Variants in WHAMM observed in about 807,000 individuals in gnomAD.
WHAMM encodes WASP homolog associated with actin, golgi membranes and microtubules, also known as WASP homolog-associated protein with actin, membranes and microtubules.
A neutral mutation model predicts 76.5 loss-of-function variants in WHAMM; 67 were observed. The ratio of observed to expected loss-of-function variants is 0.88; its 90% CI spans 0.72 to 1.07. WHAMM has a LOEUF of 1.07. Among genes scored for constraint, WHAMM ranks in the 50% least tolerant of loss-of-function variants. WHAMM has a pLI of 0.00. For synonymous variants in WHAMM, 419 were observed against 422.1 expected, an observed-to-expected ratio of 0.99 and a Z score of 0.09; for missense variants, 1,021 against 1,051.1, an observed-to-expected ratio of 0.97 and a Z score of 0.40.
At chr15:82,825,883 AC>A (rs1175940794) in intron 6 of WHAMM, among the ~76,000 whole-genome samples, 2 of 152,156 alleles carry the variant, frequency 1.3e-5, no homozygotes, top group Non-Finnish European at 2.9e-5. Flanking sequence ...TGAGGCTGAA[AC>A]CTACTCAATA....
rs867254765 is a variant in WHAMM at position 82,833,785 on chromosome 15, G to C, written c.*249G>C. The C allele has an allele frequency of 5.0e-5, 24 of 477,176 alleles. No individual in the cohort carries two copies. The Admixed American group carries it at 6.0e-4, about 12-fold the overall frequency. 29.6% of individuals were successfully genotyped at this position (477,176 alleles called of 1,614,324 possible). On this transcript the variant is annotated 3_prime_UTR_variant, in exon 10 of 10. Transcript: ENST00000286760. ...GCTCACCGCAAGCTCCGCTTCCCAG[G>C]CTGGGGTGCAGTGGTGCGATCTTGG... is the stretch of plus-strand genomic sequence containing the variant.
rs17400964 is a variant in WHAMM at position 82,817,947 on chromosome 15, C to A, written c.962C>A (p.Ala321Glu). 1 of 1,543,934 alleles carries A rather than the reference C, an allele frequency of 6.5e-7. No individual in the cohort carries two copies. The highest frequency in any genetic ancestry group is 1.4e-5 in the African/African-American group (1 of 72,778). Reference protein sequence around the residue: ...AGMQKEMEQDAKRFGQAAWAT... With the variant: ...AGMQKEMEQDEKRFGQAAWAT... ...ATGCAGAAAGAAATGGAACAGGATG[C>A]GAAGAGATTTGGTCAGGCTGCCTGG... Residue 321 changes from alanine to glutamate, a missense_variant, in exon 4 of 10, where the codon GCG becomes GAG. This residue lies in a region of WHAMM where 501 missense variants were observed against 524.9 expected (regional missense o/e 0.95). Coordinates refer to ENST00000286760, the MANE Select transcript of WHAMM (RefSeq NM_001080435.3).
chr15:82,824,175 T>TTTTTTTTTTTTTTTTTTTAAA (rs2050889710), intron 6 of WHAMM, among the ~76,000 whole-genome samples: 1 of 148,138 alleles, frequency 6.8e-6, no homozygotes, highest in African/African-American at 2.5e-5. Context: ...TTTTTTTTTT[T>TTTTTTTTTTTTTTTTTTTAAA]GAAACAGAGT....
chr15:82,816,933 C>G (rs2050737036), intron 3 of WHAMM, 91 bp downstream of exon 3: 1 of 1,273,072 alleles, frequency 7.9e-7, no homozygotes, highest in East Asian at 2.6e-5. Flanking sequence ...GCACTAGGTA[C>G]TATGTTTTCT....
chr15:82,823,373 T>C (rs1322006617), intron 6 of WHAMM, 86 bp downstream of exon 6: 1 of 1,178,332 alleles, frequency 8.5e-7, no homozygotes, highest in Non-Finnish European at 1.1e-6. Context: ...AAATAAGGTT[T>C]TTACCAACAC....
rs2051075987 is a variant in WHAMM at position 82,833,600 on chromosome 15, A to G, written c.*64A>G. The stretch of plus-strand genomic sequence containing the variant: ...AATAAAGTGGGTGAGTCTTAGACCT[A>G]TCGAAAAGCATACTAACAGGGTGCT... On this transcript the variant is annotated 3_prime_UTR_variant, in exon 10 of 10. Coordinates refer to ENST00000286760, the MANE Select transcript of WHAMM (RefSeq NM_001080435.3). 2.6e-6 allele frequency: 4 copies of G among 1,527,902 alleles called. No individual in the cohort carries two copies. The highest frequency in any genetic ancestry group is 1.2e-5 in the South Asian group (1 of 81,528). 94.6% of individuals were successfully genotyped at this position (1,527,902 alleles called of 1,614,324 possible).
intron 4 of WHAMM, among the ~76,000 whole-genome samples, chr15:82,818,438 C>T (rs919125616): frequency 2.6e-5 from 4 of 152,136 alleles, no homozygotes; most frequent in African/African-American, 4.8e-5. Flanking sequence ...TTCTTTTCTT[C>T]GCTTATTCCA....
At chr15:82,820,663 G>C (rs1231544896) in intron 5 of WHAMM, among the ~76,000 whole-genome samples, 2 of 152,144 alleles carry the variant, frequency 1.3e-5, no homozygotes, top group Non-Finnish European at 1.5e-5. Context: ...GGGAGGCTGA[G>C]TGGGGCAGAT....
chr15:82,821,876 A>C (rs1387352868), intron 5 of WHAMM, among the ~76,000 whole-genome samples: 1 of 152,180 alleles, frequency 6.6e-6, no homozygotes, highest in Admixed American at 6.5e-5. Context: ...CTTTTTTCCT[A>C]AAGTTCCTCC....
chr15:82,809,815 T>C lies in WHAMM; in HGVS notation c.89T>C (p.Phe30Ser). Residue 30 changes from phenylalanine (F) to serine (S), a missense_variant, in exon 1 of 10, where the codon TTC becomes TCC. By Grantham distance (155) the Phe-to-Ser change is radical (BLOSUM62 -2). Coordinates refer to ENST00000286760, the MANE Select transcript of WHAMM (RefSeq NM_001080435.3). ...FAEPERHRLR[F>S]LVAWNGAEGK... Reference sequence around the variant, plus strand: ...GAGCCCGAGAGGCACCGGCTGCGCTTCCTGGTGGCCTGGAACGGCGCGGAG... The same window carrying C: ...GAGCCCGAGAGGCACCGGCTGCGCTCCCTGGTGGCCTGGAACGGCGCGGAG... 6.2e-7 allele frequency: 1 copy of C among 1,603,414 alleles called. No homozygotes were observed. Among genetic ancestry groups the C allele is most frequent in the Non-Finnish European group, 8.5e-7 (1 of 1,175,762 alleles).
intron 6 of WHAMM, among the ~76,000 whole-genome samples, chr15:82,824,511 G>C (rs1257686963): frequency 6.6e-6 from 1 of 152,178 alleles, no homozygotes; most frequent in Non-Finnish European, 1.5e-5. Context: ...AGTAGAGACG[G>C]GGTTTCACCA....
chr15:82,811,694 G>T (rs1425178159), intron 1 of WHAMM, among the ~76,000 whole-genome samples: 1 of 152,130 alleles, frequency 6.6e-6, no homozygotes, highest in Non-Finnish European at 1.5e-5. Flanking sequence ...TCTAGAATTA[G>T]ACCAATTGCT....
intron 8 of WHAMM, among the ~76,000 whole-genome samples, chr15:82,828,022 C>T (rs1184786101): frequency 6.6e-6 from 1 of 152,130 alleles, no homozygotes; most frequent in African/African-American, 2.4e-5. Context: ...GACCTGCTTT[C>T]ATTCCCCAGC....
rs887396010 is a variant in WHAMM, at chr15:82,826,451, T to G, written c.1500T>G (p.Ala500=). ...KENHRFRLQQ[A]EESIRYSRQH... is the part of the protein sequence containing the mutation. ...ATCATCGGTTCAGATTGCAACAGGCTGAAGAAAGCATAAGATACTCTCGTC... is the reference window on the plus strand; with the variant it reads ...ATCATCGGTTCAGATTGCAACAGGCGGAAGAAAGCATAAGATACTCTCGTC... The change falls in exon 7 of 10, where the codon GCT becomes GCG. Residue 500 remains alanine, a synonymous_variant. Transcript: ENST00000286760. The G allele has an allele frequency of 6.2e-7, 1 of 1,614,050 alleles. No individual in the cohort carries two copies. The highest frequency in any genetic ancestry group is 1.1e-5 in the South Asian group (1 of 91,088).
chr15:82,825,574 G>C (rs536842354), intron 6 of WHAMM, among the ~76,000 whole-genome samples: 6 of 152,264 alleles, frequency 3.9e-5, no homozygotes, highest in Admixed American at 3.9e-4. Flanking sequence ...CACTTAGGTA[G>C]CCATGTGACC....
rs1448406792 is a variant in WHAMM at position 82,835,018 on chromosome 15, A to G, written c.*1482A>G. The stretch of plus-strand genomic sequence containing the variant: ...TGCGAGCATCCCTACTAACCTCATC[A>G]CCCTCACTCTGGTGATATTACTCCT... On this transcript the variant is annotated 3_prime_UTR_variant, in exon 10 of 10. Coordinates refer to ENST00000286760, the MANE Select transcript of WHAMM (RefSeq NM_001080435.3). The G allele has an allele frequency of 3.3e-5, 5 of 152,068 alleles. No individual in the cohort carries two copies. Among genetic ancestry groups the G allele is most frequent in the African/African-American group, 1.2e-4 (5 of 41,394 alleles). The allele number at this position is 152,068 out of a possible 1,614,324, so 9.4% of individuals were successfully genotyped here. A position where few individuals can be genotyped will look rare whatever the true frequency, so the allele number is the denominator to read the frequency against.
intron 9 of WHAMM, among the ~76,000 whole-genome samples, chr15:82,831,521 G>T (rs1467767786): frequency 6.6e-6 from 1 of 152,162 alleles, no homozygotes. Flanking sequence ...AATTACTGTA[G>T]AGGCATACTA....
At position 82,830,704 on chromosome 15, in the gene WHAMM, G is replaced by T; in HGVS notation, c.1747G>T (p.Val583Leu). ...GATGTGCTTGCCAGCTTCCCACGCG[G>T]TGTCAGTAATTCACCCGTCCTCTAG... ...QQMCLPASHA[V>L]SVIHPSSRKT... Residue 583 changes from valine to leucine, a missense_variant, in exon 9 of 10, where the codon GTG becomes TTG. By Grantham distance (32) the Val-to-Leu change is conservative. Transcript: ENST00000286760. The T allele has an allele frequency of 6.2e-7, 1 of 1,613,996 alleles. No homozygotes were observed. Among genetic ancestry groups the T allele is most frequent in the Non-Finnish European group, 8.5e-7 (1 of 1,179,892 alleles).
rs769660674 is a variant in WHAMM, at chr15:82,834,016, G to T, written c.*480G>T. 1.9e-5 allele frequency: 3 copies of T among 156,610 alleles called. No individual in the cohort carries two copies. Among genetic ancestry groups the T allele is most frequent in the Non-Finnish European group, 4.2e-5 (3 of 70,968 alleles). 9.7% of individuals were successfully genotyped at this position (156,610 alleles called of 1,614,324 possible). A position where few individuals can be genotyped will look rare whatever the true frequency, so the allele number is the denominator to read the frequency against. ...AGACTCCCAAAGTGCTGGGATTACA[G>T]GTGTGAGCCACCACGCCCAGCCTTT... On this transcript the variant is annotated 3_prime_UTR_variant, in exon 10 of 10. Coordinates refer to ENST00000286760, the MANE Select transcript of WHAMM (RefSeq NM_001080435.3).
Sources: allele counts gnomAD v4.1 joint callset (sites outside exome capture counted in the v4.1 genomes callset), GRCh38; gene constraint gnomAD v4.1.1; regional missense constraint gnomAD v4.1.1; transcripts MANE v1.5; gene names NCBI Gene and HGNC (gene_info 2026-07-23, HGNC 2026-07-21).